Variants in ACTR3B observed in about 807,000 individuals in gnomAD.
ACTR3B encodes actin-related protein 3B.
A neutral mutation model predicts 59.0 loss-of-function variants in ACTR3B; 8 were observed. The observed-to-expected ratio is 0.14, with a 90% CI of 0.08 to 0.24. The LOEUF is 0.24. ACTR3B is among the 10% of genes least tolerant of loss of function. ACTR3B has a pLI of 1.00. For missense variants in ACTR3B, 245 were observed against 552.3 expected (o/e 0.44, Z 5.58); for synonymous variants, 148 against 197.9 (o/e 0.75, Z 2.12).
At chr7:152,826,183 TA>T (rs1796560119) in intron 9 of ACTR3B, among the ~76,000 whole-genome samples, 1 of 152,186 alleles carries the variant, frequency 6.6e-6, no homozygotes, top group South Asian at 2.1e-4. Context: ...AAGAATGAGG[TA>T]AATCAATATA....
intron 9 of ACTR3B, among the ~76,000 whole-genome samples, chr7:152,836,633 G>T (rs1368763722): frequency 6.6e-6 from 1 of 151,186 alleles, no homozygotes; most frequent in Admixed American, 6.6e-5. Flanking sequence ...GTGAAATAAA[G>T]CAGTGATGTA....
intron 4 of ACTR3B, among the ~76,000 whole-genome samples, chr7:152,803,011 C>A (rs575194337): frequency 6.6e-6 from 1 of 152,290 alleles, no homozygotes; most frequent in Non-Finnish European, 1.5e-5. Context: ...TTTCTCTGTA[C>A]ATCCATAGTG....
chr7:152,767,437 A>G (rs529655225), intron 1 of ACTR3B, among the ~76,000 whole-genome samples: 152 of 152,302 alleles, frequency 1.0e-3, no homozygotes, highest in Non-Finnish European at 1.8e-3. Context: ...TCCCCTGCCC[A>G]TCTAATTCCT....
At chr7:152,843,258 T>C (rs1218314620) in intron 9 of ACTR3B, among the ~76,000 whole-genome samples, 1 of 152,256 alleles carries the variant, frequency 6.6e-6, no homozygotes, top group Non-Finnish European at 1.5e-5. Flanking sequence ...AATTTTTGCC[T>C]ACCACAAAAT....
rs566298770 is a variant in ACTR3B, at chr7:152,788,504, C to T, written c.100+5262C>T. On this transcript the variant is annotated intron_variant, in intron 2 of 11. Transcript: ENST00000256001. ...TCAGCTCACTGCAATATCCACCTCC[C>T]GGGTTCAAGCGATTCTCCTGCCCTC... 3.9e-3 allele frequency among the ~76,000 whole-genome samples: 585 copies of T among 151,656 alleles called. 4 individuals are homozygous for T. The highest frequency in any genetic ancestry group is 0.038 in the South Asian group (181 of 4,794).
chr7:152,820,332 C>G lies in ACTR3B; in HGVS notation c.574C>G (p.His192Asp). 6.2e-7 allele frequency: 1 copy of G among 1,606,474 alleles called. No homozygotes were observed. The highest frequency in any genetic ancestry group is 8.5e-7 in the Non-Finnish European group (1 of 1,173,860). Residue 192 changes from histidine to aspartate, a missense_variant, in exon 7 of 12, where the codon CAC becomes GAC. Coordinates refer to ENST00000256001, the MANE Select transcript of ACTR3B (RefSeq NM_020445.6). ...EGYVIGSCIK[H>D]IPIAGRDITY... Reference sequence around the variant, plus strand: ...TTATGTAATTGGAAGCTGCATCAAACACATCCCGATTGCAGGTAGAGATAT... The same window carrying G: ...TTATGTAATTGGAAGCTGCATCAAAGACATCCCGATTGCAGGTAGAGATAT...
chr7:152,812,965 C>G (rs1367622244), intron 4 of ACTR3B: 4 of 82,032 alleles, frequency 4.9e-5, no homozygotes, highest in African/African-American at 1.4e-4. Flanking sequence ...TGGCGCAGCC[C>G]TCTTCCTGGC....
chr7:152,820,403 C>T lies in ACTR3B; in HGVS notation c.645C>T (p.Ile215=). 6.2e-7 allele frequency: 1 copy of T among 1,604,738 alleles called. No homozygotes were observed. The highest frequency in any genetic ancestry group is 8.5e-7 in the Non-Finnish European group (1 of 1,174,288). ...TGCTAAGGGAGAGGGAGGTGGGAATCCCTCCTGAGCAGTCACTGGAGACCG... is the reference window on the plus strand; with the variant it reads ...TGCTAAGGGAGAGGGAGGTGGGAATTCCTCCTGAGCAGTCACTGGAGACCG... The part of the protein sequence containing the change: ...QQLLREREVG[I]PPEQSLETAK... The change falls in exon 7 of 12, where the codon ATC becomes ATT. Residue 215 remains isoleucine, a synonymous_variant. Transcript: ENST00000256001.
intron 1 of ACTR3B, among the ~76,000 whole-genome samples, chr7:152,763,802 C>T (rs1172543835): frequency 6.6e-6 from 1 of 152,126 alleles, no homozygotes; most frequent in Admixed American, 6.6e-5. Context: ...TATTCTGTCT[C>T]CATTTATTAG....
chr7:152,829,495 G>A (rs1414311449), intron 9 of ACTR3B, among the ~76,000 whole-genome samples: 7 of 152,182 alleles, frequency 4.6e-5, no homozygotes, highest in African/African-American at 1.4e-4. Flanking sequence ...TCCGTCTGAC[G>A]TGTAGATGAG....
chr7:152,794,940 G>A (rs2098210738), intron 2 of ACTR3B, among the ~76,000 whole-genome samples: 2 of 152,214 alleles, frequency 1.3e-5, no homozygotes, highest in Admixed American at 1.3e-4. Flanking sequence ...AAAAGGAGGT[G>A]GGGAAAGTGA....
At chr7:152,847,912 C>T (rs763123135) in intron 9 of ACTR3B, among the ~76,000 whole-genome samples, 8 of 152,180 alleles carry the variant, frequency 5.3e-5, no homozygotes, top group South Asian at 4.1e-4. Flanking sequence ...TTCTTCCCGC[C>T]GTGTCTTCTA....
intron 5 of ACTR3B, among the ~76,000 whole-genome samples, chr7:152,815,682 G>T (rs1043265110): frequency 6.6e-6 from 1 of 152,086 alleles, no homozygotes; most frequent in African/African-American, 2.4e-5. Context: ...CCGCCCCGAC[G>T]AAGAAAATGG....
intron 9 of ACTR3B, among the ~76,000 whole-genome samples, chr7:152,850,678 CT>C (rs1798733143): frequency 6.6e-6 from 1 of 152,242 alleles, no homozygotes; most frequent in Non-Finnish European, 1.5e-5. Context: ...TCCTGGCTGT[CT>C]TTCCCCAGAA....
rs978876760 is a variant in ACTR3B, at chr7:152,796,810, T to A, written c.101-3721T>A. 3.0e-3 allele frequency among the ~76,000 whole-genome samples: 411 copies of A among 135,842 alleles called. 5 individuals are homozygous for A. Among genetic ancestry groups the A allele is most frequent in the African/African-American group, 0.01 (387 of 38,690 alleles). The allele number at this position is 135,842 out of a possible 152,430, so 89.1% of individuals were successfully genotyped here. The stretch of plus-strand genomic sequence containing the variant: ...GCTCACTGCAGCCTCAATTTCCCAA[T>A]CCCCTTGTCTCAGGCTCCCAAGTAG... On this transcript the variant is annotated intron_variant, in intron 2 of 11. Transcript: ENST00000256001.
At position 152,826,563 on chromosome 7, in the gene ACTR3B, A is replaced by C. The variant is rs531808807; in HGVS notation, c.951+1441A>C. Among the ~76,000 whole-genome samples the C allele has an allele frequency of 2.0e-5, 3 of 152,362 alleles. No individual in the cohort carries two copies. The East Asian group carries it at 5.8e-4, about 29-fold the overall frequency. ...AGAAAGAGACTGGAGTATGCAAATG[A>C]AGAAAGCTAGCGGGTCATGTCCTTC... On this transcript the variant is annotated intron_variant, in intron 9 of 11. Transcript: ENST00000256001.
chr7:152,770,613 A>G (rs906572937), intron 1 of ACTR3B, among the ~76,000 whole-genome samples: 6 of 152,006 alleles, frequency 3.9e-5, no homozygotes, highest in Non-Finnish European at 7.4e-5. Flanking sequence ...GTCCTCCACA[A>G]TGAACTTTGG....
At chr7:152,781,429 G>A (rs910274001) in intron 1 of ACTR3B, among the ~76,000 whole-genome samples, 2 of 152,002 alleles carry the variant, frequency 1.3e-5, no homozygotes, top group African/African-American at 4.8e-5. Flanking sequence ...TGGAGTATTT[G>A]CCATGTGCCA....
At chr7:152,818,858 C>G (rs1198885417) in intron 6 of ACTR3B, among the ~76,000 whole-genome samples, 1 of 152,214 alleles carries the variant, frequency 6.6e-6, no homozygotes, top group Non-Finnish European at 1.5e-5. Flanking sequence ...ATAATACAAT[C>G]CTAAGGTTAT....
Sources: gnomAD v4.1 joint callset for allele counts (sites outside exome capture counted in the v4.1 genomes callset) on GRCh38, gnomAD v4.1.1 for gene constraint, MANE v1.5 for transcripts, NCBI Gene and HGNC (gene_info 2026-07-23, HGNC 2026-07-21) for gene names.